SMURF1: variants seen among roughly 807,000 people sequenced by gnomAD.
SMURF1 encodes the protein SMAD specific E3 ubiquitin protein ligase 1.
A neutral mutation model predicts 98.0 loss-of-function variants in SMURF1; 44 were observed. That is an observed-to-expected ratio of 0.45 (90% CI 0.35 to 0.58). The LOEUF (loss-of-function observed/expected upper bound fraction) is 0.58, where lower values mean the gene tolerates loss of function less well. Among genes scored for constraint, SMURF1 ranks in the 20% least tolerant of loss-of-function variants. SMURF1 has a pLI of 0.00. For synonymous variants in SMURF1, 396 were observed against 374.9 expected, an observed-to-expected ratio of 1.06 and a Z score of -0.65; for missense variants, 687 against 938.4, an observed-to-expected ratio of 0.73 and a Z score of 3.50.
intron 9 of SMURF1, chr7:99,048,414 C>G (rs1795653553): frequency 6.2e-6 from 1 of 160,194 alleles, no homozygotes; most frequent in Non-Finnish European, 1.4e-5. Flanking sequence ...TACCACAATT[C>G]CAAGCAAACA....
intron 1 of SMURF1, among the ~76,000 whole-genome samples, chr7:99,096,943 T>C (rs1796968237): frequency 6.6e-6 from 1 of 152,174 alleles, no homozygotes; most frequent in African/African-American, 2.4e-5. Context: ...TTCCTGACCA[T>C]AATGGAATTA....
At chr7:99,101,580 G>A (rs907954262) in intron 1 of SMURF1, among the ~76,000 whole-genome samples, 13 of 152,112 alleles carry the variant, frequency 8.5e-5, no homozygotes, top group African/African-American at 3.1e-4. Context: ...ATCACTTTTC[G>A]TAAATGGAGG....
In SMURF1 at chr7:99,112,585, A is replaced by G. The variant is rs910034982; in HGVS notation, c.55+31141T>C. 6.6e-5 allele frequency among the ~76,000 whole-genome samples: 10 copies of G among 152,364 alleles called. No homozygotes were observed. The South Asian group carries it at 2.1e-3, about 32-fold the overall frequency. Reference sequence around the variant, plus strand: ...ACAAAAAATCCAGTTTGGAACAAAAAAATTACAAGACATAAACAAAAAACT... The same window carrying G: ...ACAAAAAATCCAGTTTGGAACAAAAGAATTACAAGACATAAACAAAAAACT... On this transcript the variant is annotated intron_variant, in intron 1 of 17. Transcript: ENST00000361368.
At chr7:99,126,768 T>C (rs768498777) in intron 1 of SMURF1, among the ~76,000 whole-genome samples, 20 of 152,256 alleles carry the variant, frequency 1.3e-4, no homozygotes, top group Non-Finnish European at 2.1e-4. Flanking sequence ...ATATTTAAAG[T>C]TATTATTCTT....
chr7:99,042,092 C>G, intron 12 of SMURF1, 26 bp downstream of exon 12: 7 of 1,557,752 alleles, frequency 4.5e-6, no homozygotes, highest in African/African-American at 1.4e-5. Flanking sequence ...ACTCAATTCC[C>G]TACCTCTTTG....
intron 1 of SMURF1, among the ~76,000 whole-genome samples, chr7:99,119,930 G>A (rs1017202063): frequency 4.6e-5 from 7 of 152,162 alleles, no homozygotes; most frequent in African/African-American, 7.2e-5. Context: ...ATGGTGATAC[G>A]GTTTGGATAT....
At chr7:99,095,767 G>A (rs1234046371) in intron 1 of SMURF1, among the ~76,000 whole-genome samples, 3 of 152,152 alleles carry the variant, frequency 2.0e-5, no homozygotes, top group East Asian at 3.9e-4. Context: ...TGAGAATTGC[G>A]CACTTAGCAT....
In SMURF1 at chr7:99,079,908, G is replaced by T. The variant is rs147701623; in HGVS notation, c.56-18071C>A. Among the ~76,000 whole-genome samples the T allele has an allele frequency of 3.1e-4, 47 of 150,624 alleles. No individual in the cohort carries two copies. In the East Asian group the frequency reaches 8.4e-3, roughly 27 times the overall value. On this transcript the variant is annotated intron_variant, in intron 1 of 17. Transcript: ENST00000361368. ...GATGAATAAATAAAGCAGAAAGAAG[G>T]AATTAATAAAGATAATAGTGCAGGT...
intron 1 of SMURF1, among the ~76,000 whole-genome samples, chr7:99,086,403 A>C (rs1453029624): frequency 6.6e-6 from 1 of 152,102 alleles, no homozygotes; most frequent in Non-Finnish European, 1.5e-5. Context: ...GTTAAAAAAA[A>C]AAAAAAATAC....
chr7:99,106,143 C>T (rs6956482), intron 1 of SMURF1, among the ~76,000 whole-genome samples: 5,784 of 152,262 alleles, frequency 0.038, 341 homozygotes, highest in African/African-American at 0.12. Context: ...TACATCTGGT[C>T]AATTCTCCCT....
intron 8 of SMURF1, chr7:99,051,097 T>C (rs939388415): frequency 5.0e-5 from 55 of 1,090,118 alleles, no homozygotes; most frequent in Non-Finnish European, 6.8e-5. Context: ...AAGTTAGTGA[T>C]CATAAGGAAT....
Position 99,049,571 on chromosome 7 carries a change from G to A in SMURF1, c.945C>T (p.His315=). 1 of 1,613,190 alleles carries A rather than the reference G, an allele frequency of 6.2e-7. No individual in the cohort carries two copies. The highest frequency in any genetic ancestry group is 1.1e-5 in the South Asian group (1 of 90,750). Residue 315 remains histidine (H), a synonymous_variant, in exon 9 of 18, where the codon CAC becomes CAT. Coordinates refer to ENST00000361368, the MANE Select transcript of SMURF1 (RefSeq NM_181349.3). ...TTQFTDPRLH[H]IMNHQCQLKE... Reference sequence around the variant, plus strand: ...TATTTTTAAAGTCTTACTTCATGATGTGGTGTAACCTTGGGTCTGTAAACT... The same window carrying A: ...TATTTTTAAAGTCTTACTTCATGATATGGTGTAACCTTGGGTCTGTAAACT...
chr7:99,058,428 C>A (rs1795938851), intron 3 of SMURF1, among the ~76,000 whole-genome samples: 1 of 152,184 alleles, frequency 6.6e-6, no homozygotes, highest in African/African-American at 2.4e-5. Flanking sequence ...CTGCACCCAG[C>A]AAATTTACTA....
intron 1 of SMURF1, among the ~76,000 whole-genome samples, chr7:99,102,975 T>C (rs575685022): frequency 6.6e-6 from 1 of 152,180 alleles, no homozygotes; most frequent in East Asian, 1.9e-4. Context: ...GGCTTATTTT[T>C]CTATCTTTAG....
At chr7:99,086,075 G>A (rs1481353104) in intron 1 of SMURF1, among the ~76,000 whole-genome samples, 1 of 152,174 alleles carries the variant, frequency 6.6e-6, no homozygotes, top group Non-Finnish European at 1.5e-5. Flanking sequence ...GCCAGGCGTG[G>A]TGGTTCACAC....
chr7:99,035,708 T>C lies in SMURF1; in HGVS notation c.1818A>G (p.Ile606Met), dbSNP rs769190193. ...TCAAGTCTATTTTATCCAGGCCGCC[T>C]ATGATCAGCTGAGGAGGTGCAGAAA... ...PFDQKELELI[I>M]GGLDKIDLND... is the part of the protein sequence containing the mutation. Residue 606 changes from isoleucine to methionine, a missense_variant, in exon 16 of 18, where the codon ATA becomes ATG. By Grantham distance (10) the Ile-to-Met change is conservative. Transcript: ENST00000361368. The C allele has an allele frequency of 6.2e-7, 1 of 1,614,036 alleles. No individual in the cohort carries two copies. The highest frequency in any genetic ancestry group is 1.1e-5 in the South Asian group (1 of 91,054).
At chr7:99,052,468 A>G in intron 6 of SMURF1, 22 bp from the exon 7 acceptor site, 1 of 1,505,652 alleles carries the variant, frequency 6.6e-7, no homozygotes, top group Non-Finnish European at 8.9e-7. Flanking sequence ...GAGAGCAGGC[A>G]GGCATGGTGT....
chr7:99,138,796 T>C (rs1321570849), intron 1 of SMURF1, among the ~76,000 whole-genome samples: 1 of 152,192 alleles, frequency 6.6e-6, no homozygotes, highest in East Asian at 1.9e-4. Context: ...AATCACAAAA[T>C]CAATGACAAA....
chr7:99,030,767 A>G (rs1794845363), intron 17 of SMURF1, 84 bp from the exon 18 acceptor site: 10 of 963,390 alleles, frequency 1.0e-5, no homozygotes, highest in South Asian at 2.8e-5. Context: ...AGTGAGAAGT[A>G]TATGTGGGAG....
Sources: gnomAD v4.1 joint callset for allele counts (sites outside exome capture counted in the v4.1 genomes callset) on GRCh38, gnomAD v4.1.1 for gene constraint, MANE v1.5 for transcripts, NCBI Gene and HGNC (gene_info 2026-07-23, HGNC 2026-07-21) for gene names.